Variants in ANKRD33B observed in about 807,000 individuals in gnomAD.
ANKRD33B encodes the protein ankyrin repeat domain-containing protein 33B.
In ANKRD33B, 6 loss-of-function variants were observed where a neutral mutation model predicts 21.5. The ratio of observed to expected loss-of-function variants is 0.28; its 90% CI spans 0.15 to 0.55. ANKRD33B has a LOEUF of 0.55. Among genes scored for constraint, ANKRD33B ranks in the 20% least tolerant of loss-of-function variants. The pLI, the probability that ANKRD33B is intolerant of heterozygous loss-of-function variation, is 0.94. For missense variants in ANKRD33B, 698 were observed against 747.2 expected (o/e 0.93, Z 0.77); for synonymous variants, 347 against 342.4 (o/e 1.01, Z -0.15).
intron 1 of ANKRD33B, among the ~76,000 whole-genome samples, chr5:10,583,501 G>C (rs1182410923): frequency 2.6e-5 from 4 of 152,214 alleles, no homozygotes; most frequent in African/African-American, 9.7e-5. Context: ...GCCAGCACCA[G>C]TGCCTTCCCC....
At chr5:10,649,078 A>C (rs536445385) in intron 3 of ANKRD33B, among the ~76,000 whole-genome samples, 188 bp from the exon 4 acceptor site, 2 of 148,836 alleles carry the variant, frequency 1.3e-5, no homozygotes, top group South Asian at 2.2e-4. Context: ...CCGCCACTGC[A>C]CTCCAGGCCC....
At position 10,657,747 on chromosome 5, in the gene ANKRD33B, G is replaced by GA. The variant is rs1374149852; in HGVS notation, c.*7640dup. The stretch of plus-strand genomic sequence containing the variant: ...ATGTATCTAATGTTTAAAAAATATG[G>GA]AAAAAAGGGATAATGTAAAAATGTG... On this transcript the variant is annotated 3_prime_UTR_variant, in exon 4 of 4. Coordinates refer to ENST00000296657, the MANE Select transcript of ANKRD33B (RefSeq NM_001164440.2). 74 of 152,232 alleles carry GA rather than the reference G, an allele frequency of 4.9e-4. No individual in the cohort carries two copies. The highest frequency in any genetic ancestry group is 1.8e-3 in the African/African-American group (73 of 41,502). 9.4% of individuals were successfully genotyped at this position (152,232 alleles called of 1,614,324 possible).
intron 1 of ANKRD33B, among the ~76,000 whole-genome samples, chr5:10,583,077 A>G (rs1046487560): frequency 2.0e-5 from 3 of 150,670 alleles, no homozygotes; most frequent in Admixed American, 1.3e-4. Flanking sequence ...GCTAACTGCA[A>G]CCTCCACCTC....
At chr5:10,614,689 C>G (rs927026290) in intron 1 of ANKRD33B, among the ~76,000 whole-genome samples, 4 of 152,280 alleles carry the variant, frequency 2.6e-5, no homozygotes, top group African/African-American at 9.6e-5. Flanking sequence ...GAGTTTGAGA[C>G]CAGCCTGGCC....
At chr5:10,627,425 T>A (rs1337968494) in intron 2 of ANKRD33B, 1 of 152,254 alleles carries the variant, frequency 6.6e-6, no homozygotes, top group Non-Finnish European at 1.5e-5. Flanking sequence ...TTGCAACTTG[T>A]TATTTCTTGC....
intron 2 of ANKRD33B, among the ~76,000 whole-genome samples, chr5:10,624,254 C>T (rs1373996917): frequency 6.6e-6 from 1 of 151,544 alleles, no homozygotes; most frequent in East Asian, 1.9e-4. Flanking sequence ...CTCAGCCTCC[C>T]GAGTAGCTGA....
rs185973776 is a variant in ANKRD33B, at chr5:10,649,513, C to A, written c.885C>A (p.Ser295=). ...DCVLSVLTPR[S]VRGPEDGGVL... ...TGCTGTCCGTGCTGACGCCGCGCTC[C>A]GTGCGGGGCCCGGAGGACGGGGGCG... The change falls in exon 4 of 4, where the codon TCC becomes TCA. Residue 295 remains serine (S), a synonymous_variant. Transcript: ENST00000296657. 1 of 1,533,930 alleles carries A rather than the reference C, an allele frequency of 6.5e-7. No individual in the cohort carries two copies. Among genetic ancestry groups the A allele is most frequent in the Admixed American group, 2.0e-5 (1 of 50,936 alleles).
intron 1 of ANKRD33B, among the ~76,000 whole-genome samples, chr5:10,569,182 C>T (rs1235300918): frequency 3.9e-5 from 6 of 152,184 alleles, no homozygotes; most frequent in Admixed American, 2.0e-4. Context: ...TGCACAGCAA[C>T]GGGCTGACTA....
At position 10,618,380 on chromosome 5, in the gene ANKRD33B, G is replaced by A; in HGVS notation, c.414G>A (p.Val138=). Reference sequence around the variant, plus strand: ...ACCACGGCTTTGTGGATACCGTGGTGGCCTTAGCAGAGTGCCCCCACGTTG... The same window carrying A: ...ACCACGGCTTTGTGGATACCGTGGTAGCCTTAGCAGAGTGCCCCCACGTTG... ...ACYHGFVDTV[V]ALAECPHVDV... is the part of the protein sequence containing the mutation. The change falls in exon 2 of 4, where the codon GTG becomes GTA. Residue 138 remains valine, a synonymous_variant. Transcript: ENST00000296657. 2 of 1,537,748 alleles carry A rather than the reference G, an allele frequency of 1.3e-6. No homozygotes were observed. Among genetic ancestry groups the A allele is most frequent in the East Asian group, 2.4e-5 (1 of 41,056 alleles).
rs372903687 is a variant in ANKRD33B, at chr5:10,634,499, G to A, written c.497-3529G>A. Among the ~76,000 whole-genome samples, 12 of 142,472 alleles carry A rather than the reference G, an allele frequency of 8.4e-5. No individual in the cohort carries two copies. The East Asian group carries it at 1.0e-3, about 12-fold the overall frequency. The allele number at this position is 142,472 out of a possible 152,430, so 93.5% of individuals were successfully genotyped here. On this transcript the variant is annotated intron_variant, in intron 2 of 3. Coordinates refer to ENST00000296657, the MANE Select transcript of ANKRD33B (RefSeq NM_001164440.2). ...TTTTGAGACAGGGTCTCACTCTGTC[G>A]TCCAGGCTGGAGTTCAGTGGTGTGA...
At chr5:10,583,825 A>G (rs780357269) in intron 1 of ANKRD33B, among the ~76,000 whole-genome samples, 1 of 152,190 alleles carries the variant, frequency 6.6e-6, no homozygotes, top group Admixed American at 6.5e-5. Flanking sequence ...GGCTCTGTAA[A>G]TGCTTCTCTC....
At chr5:10,586,636 T>C (rs1459241312) in intron 1 of ANKRD33B, among the ~76,000 whole-genome samples, 1 of 152,168 alleles carries the variant, frequency 6.6e-6, no homozygotes, top group Non-Finnish European at 1.5e-5. Flanking sequence ...TAAGTTTTGC[T>C]GTGTGGCATC....
intron 3 of ANKRD33B, among the ~76,000 whole-genome samples, chr5:10,648,229 C>A (rs1430124579): frequency 2.0e-5 from 3 of 152,216 alleles, no homozygotes; most frequent in Admixed American, 6.5e-5. Context: ...GGTAGACAGA[C>A]CCCAGCCAGC....
At chr5:10,642,320 A>T (rs1011607100) in intron 3 of ANKRD33B, among the ~76,000 whole-genome samples, 2 of 152,110 alleles carry the variant, frequency 1.3e-5, no homozygotes, top group African/African-American at 2.4e-5. Flanking sequence ...TTGGATACAA[A>T]TTTGACATTA....
intron 1 of ANKRD33B, among the ~76,000 whole-genome samples, chr5:10,571,981 C>T (rs776406000): frequency 6.6e-6 from 1 of 151,890 alleles, no homozygotes; most frequent in Non-Finnish European, 1.5e-5. Flanking sequence ...CTCTGCCTCC[C>T]AGGTTCAAGC....
At chr5:10,632,058 C>T (rs1736731320) in intron 2 of ANKRD33B, among the ~76,000 whole-genome samples, 1 of 152,038 alleles carries the variant, frequency 6.6e-6, no homozygotes, top group African/African-American at 2.4e-5. Context: ...ATTGCCCTTC[C>T]ATCCTGTCAT....
intron 3 of ANKRD33B, among the ~76,000 whole-genome samples, chr5:10,641,131 T>G (rs1165990964): frequency 6.6e-6 from 1 of 152,130 alleles, no homozygotes; most frequent in Non-Finnish European, 1.5e-5. Context: ...CATCAGTGCT[T>G]CCATTAATGT....
intron 1 of ANKRD33B, among the ~76,000 whole-genome samples, chr5:10,605,441 T>G (rs2126571919): frequency 6.6e-6 from 1 of 152,300 alleles, no homozygotes; most frequent in African/African-American, 2.4e-5. Context: ...CAGACATACA[T>G]GGTACTAGGA....
intron 2 of ANKRD33B, among the ~76,000 whole-genome samples, chr5:10,633,979 G>A (rs1301899956): frequency 3.9e-5 from 6 of 152,230 alleles, no homozygotes; most frequent in Non-Finnish European, 5.9e-5. Context: ...CGCGGGTTAA[G>A]GAGGGGGGAA....
Sources: allele counts gnomAD v4.1 joint callset (sites outside exome capture counted in the v4.1 genomes callset), GRCh38; gene constraint gnomAD v4.1.1; transcripts MANE v1.5; gene names NCBI Gene and HGNC (gene_info 2026-07-23, HGNC 2026-07-21).